The following TPO variants were observed in gnomAD, a reference collection of about 807,000 sequenced individuals.
TPO encodes thyroid peroxidase.
In TPO, 78 loss-of-function variants were observed where a neutral mutation model predicts 96.9. The ratio of observed to expected loss-of-function variants is 0.81; its 90% CI spans 0.67 to 0.97. The LOEUF (loss-of-function observed/expected upper bound fraction) is 0.97. Ranked by LOEUF, TPO falls within the 50% of genes least tolerant of loss-of-function variation. TPO has a pLI of 0.00. For synonymous variants in TPO, 547 were observed against 538.0 expected, an observed-to-expected ratio of 1.02 and a Z score of -0.23; for missense variants, 1,252 against 1,274.8, an observed-to-expected ratio of 0.98 and a Z score of 0.27.
In TPO at chr2:1,467,750, C is replaced by G. The variant is rs1669036178; in HGVS notation, c.820-9336C>G. Among the ~76,000 whole-genome samples, 7 of 151,950 alleles carry G rather than the reference C, an allele frequency of 4.6e-5. No homozygotes were observed. The South Asian group carries it at 1.3e-3, about 27-fold the overall frequency. On this transcript the variant is annotated intron_variant, in intron 7 of 16. Coordinates refer to ENST00000329066, the MANE Select transcript of TPO (RefSeq NM_001206744.2). Reference sequence around the variant, plus strand: ...AATCCACAGTTTCTTTGTTGACTTTCTGTCTTGATGACCTGTCTAGTGCTG... The same window carrying G: ...AATCCACAGTTTCTTTGTTGACTTTGTGTCTTGATGACCTGTCTAGTGCTG...
At chr2:1,527,742 C>A (rs985887310) in intron 15 of TPO, among the ~76,000 whole-genome samples, 1 of 148,554 alleles carries the variant, frequency 6.7e-6, no homozygotes, top group African/African-American at 2.5e-5. Context: ...CAAATTTCTC[C>A]CACTCTGGGC....
chr2:1,516,089 AAGCCAAGGGCTGGAGCCCAGG>A (rs1450544896), intron 14 of TPO, among the ~76,000 whole-genome samples: 59 of 152,190 alleles, frequency 3.9e-4, no homozygotes, highest in Non-Finnish European at 5.4e-4. Context: ...GAAAGCACAG[AAGCCAAGGGCTGGAGCCCAGG>A]AGCCGTTACT....
At chr2:1,461,865 G>C (rs1025562418) in intron 7 of TPO, among the ~76,000 whole-genome samples, 6 of 152,172 alleles carry the variant, frequency 3.9e-5, no homozygotes, top group African/African-American at 1.2e-4. Flanking sequence ...GGGCAGGGGG[G>C]GCCGTGGCGA....
intron 5 of TPO, among the ~76,000 whole-genome samples, chr2:1,452,293 G>A (rs28909402): frequency 0.01 from 1,546 of 152,304 alleles, 15 homozygotes; most frequent in Non-Finnish European, 0.017. Context: ...GTTTATTGAT[G>A]AGATGGGTGG....
At chr2:1,395,379 T>C (rs1573058089) in intron 1 of TPO, among the ~76,000 whole-genome samples, 1 of 152,294 alleles carries the variant, frequency 6.6e-6, no homozygotes, top group Non-Finnish European at 1.5e-5. Context: ...CAAGTTTGCT[T>C]TGGATTATTA....
At chr2:1,401,952 G>A (rs1422877243) in intron 1 of TPO, among the ~76,000 whole-genome samples, 5 of 152,336 alleles carry the variant, frequency 3.3e-5, no homozygotes, top group East Asian at 3.9e-4. Context: ...AGATCCTACC[G>A]AGCAAGCCAT....
chr2:1,461,920 C>T (rs184042505), intron 7 of TPO, among the ~76,000 whole-genome samples: 7 of 152,276 alleles, frequency 4.6e-5, no homozygotes, highest in African/African-American at 1.7e-4. Context: ...GCAGAGGTTC[C>T]GGGGGGTCCG....
intron 4 of TPO, 121 bp downstream of exon 4, chr2:1,433,728 C>A: frequency 8.7e-7 from 1 of 1,147,210 alleles, no homozygotes; most frequent in South Asian, 1.4e-5. Context: ...GGATGGGACT[C>A]CAGCTCTTTC....
chr2:1,405,884 C>T lies in TPO; in HGVS notation n.180+31482C>T, dbSNP rs139307482. ...CTTAATAGAAGCAATATCCACTGGA[C>T]GATATTCTAGATTAGGCTTCTTTTT... On this transcript the variant is annotated intron_variant and non_coding_transcript_variant, in intron 1 of 5. Coordinates refer to the TPO transcript ENST00000497517. 6.1e-4 allele frequency among the ~76,000 whole-genome samples: 93 copies of T among 152,320 alleles called. 1 individual carries two copies. The highest frequency in any genetic ancestry group is 2.1e-3 in the African/African-American group (88 of 41,568).
intron 1 of TPO, among the ~76,000 whole-genome samples, chr2:1,407,543 C>A (rs978825901): frequency 7.2e-5 from 11 of 152,118 alleles, no homozygotes; most frequent in Non-Finnish European, 1.6e-4. Flanking sequence ...AGAAGTCTTC[C>A]AAACTACCCC....
At chr2:1,480,559 T>C (rs1346493669) in intron 8 of TPO, among the ~76,000 whole-genome samples, 499 of 44,320 alleles carry the variant, frequency 0.011, no homozygotes, top group South Asian at 0.012. Context: ...TCAAACCCCC[T>C]ACACACACAC....
At chr2:1,519,029 T>C (rs949528174) in intron 15 of TPO, among the ~76,000 whole-genome samples, 2 of 152,332 alleles carry the variant, frequency 1.3e-5, no homozygotes, top group African/African-American at 2.4e-5. Flanking sequence ...GAAGGCCATC[T>C]TGACGGGAAG....
In TPO at chr2:1,542,494, T is replaced by C. The variant is rs868367283; in HGVS notation, c.*20T>C. 10 of 1,613,938 alleles carry C rather than the reference T, an allele frequency of 6.2e-6. No individual in the cohort carries two copies. The highest frequency in any genetic ancestry group is 1.3e-5 in the African/African-American group (1 of 74,952). On this transcript the variant is annotated 3_prime_UTR_variant, in exon 17 of 17. Transcript: ENST00000329066. The stretch of plus-strand genomic sequence containing the variant: ...CTCTGAGGGCAAAGTGGCAGGACAC[T>C]GCAGAACAGCTTCATGTTCCCAAAA...
chr2:1,442,739 C>T lies in TPO; in HGVS notation c.482+6355C>T, dbSNP rs1291729131. Among the ~76,000 whole-genome samples the T allele has an allele frequency of 2.0e-5, 3 of 152,290 alleles. No individual in the cohort carries two copies. In the East Asian group the frequency reaches 5.8e-4, roughly 29 times the overall value. On this transcript the variant is annotated intron_variant, in intron 5 of 16. Transcript: ENST00000329066. ...TGCTTAGTTTCTCAAATTCTCTGCA[C>T]CTGGAAACTGGCAAAGATAGTGATG...
At chr2:1,501,402 G>C (rs1672859695) in intron 13 of TPO, among the ~76,000 whole-genome samples, 1 of 152,192 alleles carries the variant, frequency 6.6e-6, no homozygotes, top group Admixed American at 6.5e-5. Flanking sequence ...CTGCTCTTCA[G>C]ACAAGGCCGA....
upstream of TPO, among the ~76,000 whole-genome samples, chr2:1,408,614 G>A (rs951289255): frequency 1.3e-5 from 2 of 152,180 alleles, no homozygotes; most frequent in African/African-American, 4.8e-5. Context: ...GGGTGGGCAC[G>A]TGCAGTCACT....
intron 14 of TPO, among the ~76,000 whole-genome samples, chr2:1,508,705 T>G (rs985549021): frequency 6.6e-6 from 1 of 152,242 alleles, no homozygotes; most frequent in Admixed American, 6.5e-5. Context: ...GATGGTAGTT[T>G]GTATTTCTTT....
At chr2:1,536,696 A>G (rs1275963174) in intron 15 of TPO, among the ~76,000 whole-genome samples, 2 of 83,930 alleles carry the variant, frequency 2.4e-5, no homozygotes, top group Non-Finnish European at 4.3e-5. Flanking sequence ...CAACCTCCAT[A>G]AATCCAACCA....
chr2:1,537,206 CACTGTGTGCCACCTCCCCAAATCCCCCA>C lies in TPO; in HGVS notation c.2619-3382_2619-3355del, dbSNP rs1385824482. Among the ~76,000 whole-genome samples the C allele has an allele frequency of 2.5e-3, 336 of 131,866 alleles. 1 individual carries two copies. Among genetic ancestry groups the C allele is most frequent in the African/African-American group, 9.9e-3 (324 of 32,798 alleles). 86.5% of individuals were successfully genotyped at this position (131,866 alleles called of 152,430 possible). On this transcript the variant is annotated intron_variant, in intron 15 of 16. Coordinates refer to ENST00000329066, the MANE Select transcript of TPO (RefSeq NM_001206744.2). ...GTGTAGCAACCTCCCCAAATCCCCC[CACTGTGTGCCACCTCCCCAAATCCCCCA>C]ACTGTTTCGAACCACCTCAAATCCC...
Sources: allele counts gnomAD v4.1 joint callset (sites outside exome capture counted in the v4.1 genomes callset), GRCh38; gene constraint gnomAD v4.1.1; transcripts MANE v1.5; gene names NCBI Gene and HGNC (gene_info 2026-07-23, HGNC 2026-07-21).